MYO18B: variants seen among roughly 807,000 people sequenced by gnomAD.
MYO18B encodes myosin XVIIIB.
In MYO18B, 204 loss-of-function variants were observed where a neutral mutation model predicts 273.0. The ratio of observed to expected loss-of-function variants is 0.75; its 90% CI spans 0.67 to 0.84. The LOEUF (loss-of-function observed/expected upper bound fraction) is 0.84, where lower values mean the gene tolerates loss of function less well. MYO18B is among the 40% of genes least tolerant of loss of function. The pLI, the probability that MYO18B is intolerant of heterozygous loss-of-function variation, is 0.00. For missense variants in MYO18B, 3,212 were observed against 3,287.6 expected, an observed-to-expected ratio of 0.98 and a Z score of 0.56; for synonymous variants, 1,330 against 1,305.7, an observed-to-expected ratio of 1.02 and a Z score of -0.40.
intron 1 of MYO18B, among the ~76,000 whole-genome samples, chr22:25,751,167 C>T (rs1302109545): frequency 6.6e-6 from 1 of 152,164 alleles, no homozygotes; most frequent in Non-Finnish European, 1.5e-5. Flanking sequence ...CCTAGTGGTA[C>T]CATTATCCAT....
At chr22:26,051,452 T>G in the MYO18B span, among the ~76,000 whole-genome samples, 5 of 152,272 alleles carry the variant, frequency 3.3e-5, no homozygotes, top group Middle Eastern at 3.4e-3. Context: ...CTCGATCTCT[T>G]GTAATTGGTC....
the MYO18B span, among the ~76,000 whole-genome samples, chr22:26,046,960 C>T: frequency 1.3e-5 from 2 of 152,086 alleles, no homozygotes; most frequent in Non-Finnish European, 2.9e-5. Context: ...CCTCAGTTCT[C>T]CTCCATGGGT....
intron 1 of MYO18B, among the ~76,000 whole-genome samples, chr22:25,752,289 G>A (rs2085953621): frequency 6.7e-6 from 1 of 149,268 alleles, no homozygotes; most frequent in Admixed American, 6.7e-5. Flanking sequence ...CCGGGTTCAC[G>A]CCATTCTCCT....
intron 21 of MYO18B, among the ~76,000 whole-genome samples, chr22:25,854,281 C>T (rs9624921): frequency 0.25 from 38,060 of 152,108 alleles, 5,272 homozygotes; most frequent in Admixed American, 0.31. Flanking sequence ...TGTCTTTTAT[C>T]ACAGATGCAT....
At chr22:25,794,665 C>CG (rs2087828879) in intron 11 of MYO18B, among the ~76,000 whole-genome samples, 2 of 152,032 alleles carry the variant, frequency 1.3e-5, no homozygotes, top group East Asian at 3.9e-4. Context: ...CCACTTCGCC[C>CG]GGCTAAGTTT....
downstream of MYO18B, among the ~76,000 whole-genome samples, chr22:26,034,275 C>G (rs559879853): frequency 6.6e-6 from 1 of 152,218 alleles, no homozygotes; most frequent in African/African-American, 2.4e-5. Context: ...TCATCCAAGT[C>G]TGTGACACTA....
rs199787957 is a variant in MYO18B at position 25,862,855 on chromosome 22, GT to G, written c.3886-5464del. Among the ~76,000 whole-genome samples the G allele has an allele frequency of 9.2e-3, 1,366 of 149,022 alleles. 13 individuals are homozygous for G. Among genetic ancestry groups the G allele is most frequent in the African/African-American group, 0.031 (1,255 of 40,440 alleles). ...GCATAGACTTTTTTTTTGGGGGGGG[GT>G]GTCAAATTTGGGAAGTTTCTAGCCA... On this transcript the variant is annotated intron_variant, in intron 21 of 43. Coordinates refer to ENST00000335473, the MANE Select transcript of MYO18B (RefSeq NM_032608.7).
At chr22:25,873,106 A>G (rs2091093428) in intron 22 of MYO18B, among the ~76,000 whole-genome samples, 1 of 152,156 alleles carries the variant, frequency 6.6e-6, no homozygotes, top group Non-Finnish European at 1.5e-5. Flanking sequence ...TTCTCGCAGA[A>G]AAGCATTTAA....
chr22:25,921,585 G>A (rs149694051), intron 34 of MYO18B, among the ~76,000 whole-genome samples, 176 bp downstream of exon 34: 24 of 152,250 alleles, frequency 1.6e-4, no homozygotes, highest in Middle Eastern at 3.4e-3. Context: ...GTGTAGGTGA[G>A]GAGGAGGGGT....
intron 34 of MYO18B, among the ~76,000 whole-genome samples, chr22:25,929,118 C>T (rs1028221314): frequency 6.9e-6 from 1 of 145,662 alleles, no homozygotes; most frequent in African/African-American, 2.5e-5. Flanking sequence ...GCCAAGATCA[C>T]ACCATTACAC....
the MYO18B span, among the ~76,000 whole-genome samples, chr22:26,061,637 CGTCATCTACCACCAAGAAAG>C: frequency 3.7e-4 from 56 of 151,564 alleles, no homozygotes; most frequent in African/African-American, 1.3e-3. Context: ...TGCCGAGAAA[CGTCATCTACCACCAAGAAAG>C]GTCATCTACC....
intron 24 of MYO18B, chr22:25,876,928 T>C (rs956155099): frequency 1.3e-5 from 2 of 152,232 alleles, no homozygotes; most frequent in Non-Finnish European, 2.9e-5. Context: ...GTTCTGTCTT[T>C]ATGGCTGCAT....
Position 25,902,793 on chromosome 22 carries a change from C to G in MYO18B, c.4947+57C>G. 3 of 1,527,252 alleles carry G rather than the reference C, an allele frequency of 2.0e-6. No individual in the cohort carries two copies. The South Asian group carries it at 3.7e-5, about 19-fold the overall frequency. The allele number at this position is 1,527,252 out of a possible 1,614,324, so 94.6% of individuals were successfully genotyped here. A position where few individuals can be genotyped will look rare whatever the true frequency, so the allele number is the denominator to read the frequency against. On this transcript the variant is annotated intron_variant, in intron 30 of 43. Coordinates refer to ENST00000335473, the MANE Select transcript of MYO18B (RefSeq NM_032608.7). ...CTCTTGGTGGCTAAATCTCGGGAAA[C>G]TGCATCGTGCACCTGCTGCAAATGG...
intron 42 of MYO18B, among the ~76,000 whole-genome samples, chr22:26,024,652 T>C (rs1055473291): frequency 6.6e-6 from 1 of 152,216 alleles, no homozygotes; most frequent in South Asian, 2.1e-4. Context: ...CTCTATGTCT[T>C]GTCCTCATGA....
At chr22:25,862,716 T>C (rs1293737283) in intron 21 of MYO18B, among the ~76,000 whole-genome samples, 5 of 152,198 alleles carry the variant, frequency 3.3e-5, no homozygotes, top group Non-Finnish European at 7.4e-5. Flanking sequence ...TGCTTCCCTT[T>C]ACACAATAAG....
chr22:25,886,837 A>C (rs969063814), intron 25 of MYO18B, among the ~76,000 whole-genome samples: 3 of 152,108 alleles, frequency 2.0e-5, no homozygotes, highest in South Asian at 2.1e-4. Context: ...ACCAGCTATG[A>C]TCCTAAGCAA....
At chr22:25,974,398 T>C (rs2093067111) in intron 39 of MYO18B, among the ~76,000 whole-genome samples, 1 of 152,228 alleles carries the variant, frequency 6.6e-6, no homozygotes, top group Non-Finnish European at 1.5e-5. Flanking sequence ...CTGATTGTAA[T>C]TGGCTCAACC....
chr22:25,910,952 C>G lies in MYO18B; in HGVS notation c.5266C>G (p.Gln1756Glu). Reference protein sequence around the residue: ...VRQSCQKRLHQLEMQLEQEYE... With the variant: ...VRQSCQKRLHELEMQLEQEYE... ...CTTCCCTGTGTATCCACAGCTTCAT[C>G]AGCTGGAAATGCAGCTGGAGCAAGA... The change falls in exon 33 of 44, where the codon CAG (glutamine) becomes GAG (glutamate). Residue 1756 changes from glutamine to glutamate, a missense_variant. By Grantham distance (29) the Gln-to-Glu change is conservative (BLOSUM62 2). Coordinates refer to ENST00000335473, the MANE Select transcript of MYO18B (RefSeq NM_032608.7). 6.3e-7 allele frequency: 1 copy of G among 1,589,652 alleles called. No individual in the cohort carries two copies. Among genetic ancestry groups the G allele is most frequent in the Non-Finnish European group, 8.6e-7 (1 of 1,167,592 alleles).
rs371636194 is a variant in MYO18B at position 25,902,669 on chromosome 22, G to A, written c.4880G>A (p.Arg1627His). ...LGESVFEKGLREKVTQENTSV... is the reference protein window; with the variant it reads ...LGESVFEKGLHEKVTQENTSV... The stretch of plus-strand genomic sequence containing the variant: ...GAGTCAGTGTTTGAGAAGGGTCTCC[G>A]TGAGAAAGTGACCCAGGAGAACACC... Residue 1627 changes from arginine (R) to histidine (H), a missense_variant, in exon 30 of 44, where the codon CGT (arginine) becomes CAT (histidine). Arg to His is a conservative substitution (Grantham distance 29, BLOSUM62 0). Transcript: ENST00000335473. The A allele has an allele frequency of 2.9e-5, 46 of 1,599,338 alleles. No individual in the cohort carries two copies. The highest frequency in any genetic ancestry group is 1.4e-4 in the East Asian group (6 of 44,320).
Sources: gnomAD v4.1 joint callset for allele counts (sites outside exome capture counted in the v4.1 genomes callset) on GRCh38, gnomAD v4.1.1 for gene constraint, MANE v1.5 for transcripts, NCBI Gene and HGNC (gene_info 2026-07-23, HGNC 2026-07-21) for gene names.